Variants in MDC1 observed in about 807,000 individuals in gnomAD.
MDC1 encodes mediator of DNA damage checkpoint protein 1.
In MDC1, 81 loss-of-function variants were observed where a neutral mutation model predicts 142.5. The ratio of observed to expected loss-of-function variants is 0.57; its 90% CI spans 0.47 to 0.68. The LOEUF is 0.68. Among genes scored for constraint, MDC1 ranks in the 30% least tolerant of loss-of-function variants. The pLI, the probability that MDC1 is intolerant of heterozygous loss-of-function variation, is 0.00. For missense variants in MDC1, 2,119 were observed against 2,547.9 expected, an observed-to-expected ratio of 0.83 and a Z score of 3.62; for synonymous variants, 797 against 968.4, an observed-to-expected ratio of 0.82 and a Z score of 3.29.
In MDC1 at chr6:30,702,875, G is replaced by A. The variant is rs1773012932; in HGVS notation, c.5868C>T (p.Ser1956=). Residue 1956 remains serine (S), a splice_region_variant and synonymous_variant, in exon 13 of 15, where the codon TCC becomes TCT. Transcript: ENST00000376406. ...PILSLDWLHQ[S]RKAGFFLPPD... ...GGGGTAAGAAGAAACCAGCCTTGCG[G>A]GACTAAGGACGGCAGCAGTCAGCAT... is the stretch of plus-strand genomic sequence containing the variant. The A allele has an allele frequency of 6.2e-7, 1 of 1,612,912 alleles. No individual in the cohort carries two copies. Among genetic ancestry groups the A allele is most frequent in the Non-Finnish European group, 8.5e-7 (1 of 1,180,042 alleles).
At position 30,703,987 on chromosome 6, in the gene MDC1, G is replaced by A. The variant is rs200693623; in HGVS notation, c.5196C>T (p.Ser1732=). 22 of 1,614,206 alleles carry A rather than the reference G, an allele frequency of 1.4e-5. No homozygotes were observed. Among genetic ancestry groups the A allele is most frequent in the Non-Finnish European group, 1.9e-5 (22 of 1,180,020 alleles). Residue 1732 remains serine (S), a synonymous_variant, in exon 10 of 15, where the codon TCC becomes TCT. Coordinates refer to ENST00000376406, the MANE Select transcript of MDC1 (RefSeq NM_014641.3). The surrounding 1 kb of genome is among the most constrained non-coding windows in gnomAD (Gnocchi z 4.4). ...GCTTATGGTCAATGGGAGCTGCGAG[G>A]GAGCCAGGGTTCCCAGCGGCTCTCT... ...KRQRAAGNPG[S]LAAPIDHKPC...
chr6:30,714,580 T>C (rs889649854), intron 2 of MDC1, among the ~76,000 whole-genome samples: 2 of 151,844 alleles, frequency 1.3e-5, no homozygotes, highest in African/African-American at 2.4e-5. Flanking sequence ...GTCATGATCA[T>C]AGATCAGTGC....
At position 30,701,882 on chromosome 6, in the gene MDC1, C is replaced by T. The variant is rs369230811; in HGVS notation, c.6102+671G>A. On this transcript the variant is annotated intron_variant, in intron 14 of 14. Coordinates refer to ENST00000376406, the MANE Select transcript of MDC1 (RefSeq NM_014641.3). The stretch of plus-strand genomic sequence containing the variant: ...GAAATAATATAATATTGGCAGTTTG[C>T]TTTAAAATATTTCAGCAAAGAAAGA... Among the ~76,000 whole-genome samples the T allele has an allele frequency of 1.5e-4, 23 of 151,114 alleles. 3 individuals carry two copies. The highest frequency in any genetic ancestry group is 1.2e-3 in the East Asian group (6 of 5,164).
Position 30,702,797 on chromosome 6 carries a change from G to C in MDC1, c.5946C>G (p.Ser1982Arg). 6.2e-7 allele frequency: 1 copy of C among 1,613,132 alleles called. No individual in the cohort carries two copies. Among genetic ancestry groups the C allele is most frequent in the South Asian group, 1.1e-5 (1 of 91,086 alleles). ...DPEQEKNFGF[S>R]LQDALSRARE... is the part of the protein sequence containing the mutation. ...GAGCCCTGCTCAGTGCGTCTTGAAG[G>C]CTAAAGCCAAAGTTCTTCTCTTGCT... Residue 1982 changes from serine (S) to arginine (R), a missense_variant, in exon 13 of 15, where the codon AGC becomes AGG. Ser to Arg is a moderately radical substitution (Grantham distance 110, BLOSUM62 -1). Transcript: ENST00000376406.
Position 30,712,599 on chromosome 6 carries a change from G to A in MDC1, c.1343C>T (p.Thr448Ile). 1 of 1,612,996 alleles carries A rather than the reference G, an allele frequency of 6.2e-7. No homozygotes were observed. Among genetic ancestry groups the A allele is most frequent in the Non-Finnish European group, 8.5e-7 (1 of 1,179,994 alleles). Residue 448 changes from threonine (T) to isoleucine (I), a missense_variant, in exon 5 of 15, where the codon ACC (threonine) becomes ATC (isoleucine). Thr to Ile is a moderately conservative substitution (Grantham distance 89, BLOSUM62 -1). Coordinates refer to ENST00000376406, the MANE Select transcript of MDC1 (RefSeq NM_014641.3). This position sits in a 1 kb window ranked among gnomAD's most constrained non-coding sequence, Gnocchi z 4.7. ...RVVLLQRSQT[T>I]TERDSDTDVE... ...GTCTGTGTCACTGTCTCTCTCAGTG[G>A]TGGTTTGGCTTCGCTGCAGAAGGAC... is the stretch of plus-strand genomic sequence containing the variant.
In MDC1 at chr6:30,703,611, C is replaced by T. The variant is rs1562080611; in HGVS notation, c.5562+10G>A. The T allele has an allele frequency of 6.2e-7, 1 of 1,602,838 alleles. No homozygotes were observed. Among genetic ancestry groups the T allele is most frequent in the Non-Finnish European group, 8.5e-7 (1 of 1,174,986 alleles). On this transcript the variant is annotated intron_variant, in intron 10 of 14. Coordinates refer to ENST00000376406, the MANE Select transcript of MDC1 (RefSeq NM_014641.3). The surrounding 1 kb of genome is among the most constrained non-coding windows in gnomAD (Gnocchi z 4.4). ...TTTTCCCAGCTTTGTGGTCCCAACC[C>T]TCTCCTCACCTCTTCCTTCCCTGGC...
intron 7 of MDC1, among the ~76,000 whole-genome samples, chr6:30,708,855 C>CAAAAAAAAAAAA (rs59939040): frequency 3.6e-5 from 2 of 55,234 alleles, no homozygotes; most frequent in Non-Finnish European, 4.0e-5. Context: ...GACTCTGTCT[C>CAAAAAAAAAAAA]AAAAAAAAAA....
intron 13 of MDC1, 42 bp from the exon 14 acceptor site, chr6:30,702,705 A>G (rs1772969781): frequency 1.2e-6 from 2 of 1,612,400 alleles, no homozygotes; most frequent in African/African-American, 2.7e-5. Flanking sequence ...TAGATTGGGA[A>G]GCACTGGAGG....
Position 30,705,457 on chromosome 6 carries a change from T to G in MDC1, c.3726A>C (p.Pro1242=). 1.2e-6 allele frequency: 2 copies of G among 1,611,906 alleles called. No individual in the cohort carries two copies. The highest frequency in any genetic ancestry group is 1.7e-6 in the Non-Finnish European group (2 of 1,179,422). Residue 1242 remains proline, a synonymous_variant, in exon 10 of 15, where the codon CCA becomes CCC. Coordinates refer to ENST00000376406, the MANE Select transcript of MDC1 (RefSeq NM_014641.3). ...KNRSSVKTPE[P]VVPTAPELQP... ...GGAGCTCAGGGGCTGTGGGGACAAC[T>G]GGTTCAGGGGTCTTGACAGAGGATC... is the stretch of plus-strand genomic sequence containing the variant.
chr6:30,702,017 CT>C (rs925290659), intron 14 of MDC1, among the ~76,000 whole-genome samples: 10 of 151,888 alleles, frequency 6.6e-5, no homozygotes, highest in African/African-American at 1.7e-4. Context: ...AATCCCAGCA[CT>C]TTGAGAGGCC....
chr6:30,709,040 T>C lies in MDC1; in HGVS notation c.2222-683A>G, dbSNP rs2127700284. Among the ~76,000 whole-genome samples the C allele has an allele frequency of 6.6e-6, 1 of 152,264 alleles. No individual in the cohort carries two copies. Among genetic ancestry groups the C allele is most frequent in the East Asian group, 1.9e-4 (1 of 5,184 alleles). On this transcript the variant is annotated intron_variant, in intron 7 of 14. Coordinates refer to ENST00000376406, the MANE Select transcript of MDC1 (RefSeq NM_014641.3). This position sits in a 1 kb window ranked among gnomAD's most constrained non-coding sequence, Gnocchi z 4.2. ...TAGCCTAATAAGAGAGTTCCCTGAA[T>C]AGTCTCTCTCTCTCAAGACAGTTTC...
At chr6:30,714,291 T>A in intron 2 of MDC1, 108 bp from the exon 3 acceptor site, 2 of 1,208,032 alleles carry the variant, frequency 1.7e-6, no homozygotes, top group Non-Finnish European at 2.2e-6. Flanking sequence ...CCATATGCAT[T>A]AGAAAAATAA....
intron 9 of MDC1, among the ~76,000 whole-genome samples, chr6:30,706,546 CG>C (rs1773857297): frequency 6.8e-6 from 1 of 146,606 alleles, no homozygotes; most frequent in East Asian, 2.1e-4. Flanking sequence ...GGCGTGAACT[CG>C]GGAGGCGGAG....
Position 30,706,033 on chromosome 6 carries a change from T to C in MDC1, c.3150A>G (p.Gln1050=). ...PTVPEAPAPP[Q]KPLNSQSQKH... Reference sequence around the variant, plus strand: ...TCTGGCTCTGAGAGTTAAGGGGCTTTTGGGGTGGGGCTGGGGCTTCAGGTA... The same window carrying C: ...TCTGGCTCTGAGAGTTAAGGGGCTTCTGGGGTGGGGCTGGGGCTTCAGGTA... The change falls in exon 10 of 15, where the codon CAA becomes CAG. Residue 1050 remains glutamine, a synonymous_variant. Coordinates refer to ENST00000376406, the MANE Select transcript of MDC1 (RefSeq NM_014641.3). 6.2e-7 allele frequency: 1 copy of C among 1,603,884 alleles called. No individual in the cohort carries two copies. The highest frequency in any genetic ancestry group is 8.5e-7 in the Non-Finnish European group (1 of 1,179,648).
At chr6:30,706,168 G>C in intron 9 of MDC1, 70 bp from the exon 10 acceptor site, 1 of 1,306,638 alleles carries the variant, frequency 7.7e-7, no homozygotes, top group Non-Finnish European at 1.0e-6. Context: ...TACTGTTCTT[G>C]ATACTTGTTT....
At position 30,713,185 on chromosome 6, in the gene MDC1, C is replaced by A; in HGVS notation, c.757G>T (p.Val253Leu). The stretch of plus-strand genomic sequence containing the variant: ...TCCTTTTCAAGCTGGATTTCAGTTA[C>A]AACTTCAGCTTCAGACTGCTTTGCC... Reference protein sequence around the residue: ...VEAKQSEAEVVTEIQLEKDQP... With the variant: ...VEAKQSEAEVLTEIQLEKDQP... Residue 253 changes from valine (V) to leucine (L), a missense_variant, in exon 5 of 15, where the codon GTA becomes TTA. Physicochemically the swap from Val to Leu is conservative, Grantham distance 32. Transcript: ENST00000376406. This position sits in a 1 kb window ranked among gnomAD's most constrained non-coding sequence, Gnocchi z 4.9. The A allele has an allele frequency of 2.5e-6, 4 of 1,613,086 alleles. No individual in the cohort carries two copies. Among genetic ancestry groups the A allele is most frequent in the Non-Finnish European group, 3.4e-6 (4 of 1,179,986 alleles).
rs143473283 is a variant in MDC1, at chr6:30,713,115, C to T, written c.827G>A (p.Arg276Lys). The change falls in exon 5 of 15, where the codon AGG (arginine) becomes AAG (lysine). Residue 276 changes from arginine to lysine, a missense_variant. Coordinates refer to ENST00000376406, the MANE Select transcript of MDC1 (RefSeq NM_014641.3). This position sits in a 1 kb window ranked among gnomAD's most constrained non-coding sequence, Gnocchi z 4.9. ...KERDNDTKVK[R>K]GAGNGVVPAG... Reference sequence around the variant, plus strand: ...TGGAACCACCCCATTCCCTGCACCCCTCTTGACTTTTGTATCATTGTCCCT... The same window carrying T: ...TGGAACCACCCCATTCCCTGCACCCTTCTTGACTTTTGTATCATTGTCCCT... 2.5e-6 allele frequency: 4 copies of T among 1,613,092 alleles called. No individual in the cohort carries two copies. The Admixed American group carries it at 6.7e-5, about 27-fold the overall frequency.
chr6:30,709,433 T>C lies in MDC1; in HGVS notation c.2222-1076A>G, dbSNP rs1476670114. On this transcript the variant is annotated intron_variant, in intron 7 of 14. Coordinates refer to ENST00000376406, the MANE Select transcript of MDC1 (RefSeq NM_014641.3). The surrounding 1 kb of genome is among the most constrained non-coding windows in gnomAD (Gnocchi z 4.2). ...ATATTTATGGGGTACCTGTGCTATT[T>C]TGACTCATGCATACAATGTACAATG... 6.6e-6 allele frequency among the ~76,000 whole-genome samples: 1 copy of C among 152,254 alleles called. No homozygotes were observed. Among genetic ancestry groups the C allele is most frequent in the Non-Finnish European group, 1.5e-5 (1 of 68,042 alleles).
chr6:30,705,919 T>C lies in MDC1; in HGVS notation c.3264A>G (p.Glu1088=). 6.2e-7 allele frequency: 1 copy of C among 1,613,770 alleles called. No individual in the cohort carries two copies. The highest frequency in any genetic ancestry group is 8.5e-7 in the Non-Finnish European group (1 of 1,179,868). Residue 1088 remains glutamate (E), a synonymous_variant, in exon 10 of 15, where the codon GAA becomes GAG. Transcript: ENST00000376406. ...VRKTRQDGSQ[E]APEAPLSSEL... The stretch of plus-strand genomic sequence containing the variant: ...CTGAGGACAAGGGAGCCTCTGGAGC[T>C]TCCTGACTCCCATCTTGCCTGGTCT...
Sources: allele counts gnomAD v4.1 joint callset (sites outside exome capture counted in the v4.1 genomes callset), GRCh38; gene constraint gnomAD v4.1.1; non-coding constraint Gnocchi (gnomAD v3.1); transcripts MANE v1.5; gene names NCBI Gene and HGNC (gene_info 2026-07-23, HGNC 2026-07-21).